Variants in PDE3B observed in about 807,000 individuals in gnomAD.
The protein encoded by PDE3B is phosphodiesterase 3B.
Under a neutral mutation model 116.8 loss-of-function variants are expected in PDE3B, and 66 were observed. The ratio of observed to expected loss-of-function variants is 0.56; its 90% CI spans 0.46 to 0.69. The LOEUF is 0.69. Among genes scored for constraint, PDE3B ranks in the 30% least tolerant of loss-of-function variants. PDE3B has a pLI of 0.00. For missense variants in PDE3B, 1,384 were observed against 1,368.1 expected, an observed-to-expected ratio of 1.01 and a Z score of -0.18; for synonymous variants, 595 against 533.6, an observed-to-expected ratio of 1.12 and a Z score of -1.59.
intron 1 of PDE3B, among the ~76,000 whole-genome samples, chr11:14,666,465 G>A (rs1854156424): frequency 1.3e-5 from 2 of 150,290 alleles, no homozygotes; most frequent in African/African-American, 2.4e-5. Context: ...CTTCTGCACA[G>A]CAAAAGAAAC....
chr11:14,751,769 A>C (rs1426926662), intron 1 of PDE3B, among the ~76,000 whole-genome samples: 1 of 152,118 alleles, frequency 6.6e-6, no homozygotes, highest in Non-Finnish European at 1.5e-5. Flanking sequence ...AGCTTCCTAG[A>C]CTTTCTATCT....
chr11:14,670,070 A>T (rs2133779025), intron 1 of PDE3B, among the ~76,000 whole-genome samples: 1 of 152,264 alleles, frequency 6.6e-6, no homozygotes, highest in South Asian at 2.1e-4. Context: ...GCCTTAGCAT[A>T]GTTATCTGGG....
chr11:14,830,889 TA>T, intron 8 of PDE3B, 43 bp downstream of exon 8: 1 of 1,320,238 alleles, frequency 7.6e-7, no homozygotes, highest in Non-Finnish European at 1.0e-6. Flanking sequence ...AGGTGAAATA[TA>T]ATACTGTTAG....
intron 1 of PDE3B, among the ~76,000 whole-genome samples, chr11:14,745,160 C>T (rs1856879015): frequency 6.6e-6 from 1 of 152,098 alleles, no homozygotes; most frequent in African/African-American, 2.4e-5. Context: ...GTGTTTTGTT[C>T]TTTTCACATT....
At chr11:14,784,339 G>A (rs201476755) in intron 2 of PDE3B, among the ~76,000 whole-genome samples, 2 of 152,256 alleles carry the variant, frequency 1.3e-5, no homozygotes, top group East Asian at 3.9e-4. Context: ...TTTGATGATT[G>A]CAACAAAAAT....
intron 1 of PDE3B, among the ~76,000 whole-genome samples, chr11:14,728,699 G>A (rs1199998564): frequency 6.6e-6 from 1 of 151,904 alleles, no homozygotes; most frequent in Non-Finnish European, 1.5e-5. Flanking sequence ...TTGTTCTTGG[G>A]CCTTCTTAAA....
chr11:14,880,735 A>G, the PDE3B span: 2 of 1,607,420 alleles, frequency 1.2e-6, no homozygotes, highest in South Asian at 2.2e-5. Context: ...TCTGTGATCA[A>G]CCCATCCTCG....
intron 1 of PDE3B, among the ~76,000 whole-genome samples, chr11:14,764,264 C>T (rs1324368216): frequency 1.3e-5 from 2 of 152,130 alleles, no homozygotes; most frequent in Non-Finnish European, 1.5e-5. Flanking sequence ...CTTGATCTCT[C>T]TCTACTCCTC....
intron 1 of PDE3B, among the ~76,000 whole-genome samples, chr11:14,712,466 GTTTTTTTTTT>G (rs58004646): frequency 3.9e-5 from 3 of 76,306 alleles, no homozygotes; most frequent in South Asian, 5.0e-4. Context: ...GTACAAGCTT[GTTTTTTTTTT>G]TTTTTTTTTT....
In PDE3B at chr11:14,703,116, G is replaced by A. The variant is rs193035636; in HGVS notation, c.978+58063G>A. Among the ~76,000 whole-genome samples the A allele has an allele frequency of 3.2e-3, 479 of 151,918 alleles. 9 individuals are homozygous for A. The highest frequency in any genetic ancestry group is 0.027 in the Admixed American group (418 of 15,206). On this transcript the variant is annotated intron_variant, in intron 1 of 15. Transcript: ENST00000282096. The stretch of plus-strand genomic sequence containing the variant: ...GAAGATAGTCTTTTATAAGTATGCA[G>A]ATTTTTAACCAAATTGCTCATATTT...
At chr11:14,866,282 T>C (rs1848044524) in intron 14 of PDE3B, among the ~76,000 whole-genome samples, 1 of 152,244 alleles carries the variant, frequency 6.6e-6, no homozygotes, top group South Asian at 2.1e-4. Context: ...GAAAATGTCA[T>C]CTGATATCCT....
intron 15 of PDE3B, among the ~76,000 whole-genome samples, chr11:14,868,793 T>TA (rs1848092934): frequency 6.6e-6 from 1 of 152,104 alleles, no homozygotes; most frequent in African/African-American, 2.4e-5. Flanking sequence ...ATTCTTTTTT[T>TA]AAAAAAATGG....
intron 14 of PDE3B, among the ~76,000 whole-genome samples, chr11:14,865,165 C>A (rs561770124): frequency 6.6e-6 from 1 of 152,056 alleles, no homozygotes; most frequent in Non-Finnish European, 1.5e-5. Context: ...ACCACTGATC[C>A]CACAGAAATA....
intron 5 of PDE3B, among the ~76,000 whole-genome samples, chr11:14,812,321 T>C (rs1446170685): frequency 6.6e-6 from 1 of 152,188 alleles, no homozygotes; most frequent in Non-Finnish European, 1.5e-5. Context: ...ACAGTGGAAT[T>C]AGATTTGAAA....
intron 4 of PDE3B, among the ~76,000 whole-genome samples, chr11:14,802,890 G>A (rs1858816825): frequency 6.6e-6 from 1 of 152,156 alleles, no homozygotes; most frequent in African/African-American, 2.4e-5. Context: ...TCCACACAAA[G>A]TTGGCTTCTG....
intron 13 of PDE3B, among the ~76,000 whole-genome samples, chr11:14,860,008 G>C (rs1847917598): frequency 6.6e-6 from 1 of 152,150 alleles, no homozygotes. Flanking sequence ...CTGCAGGGTA[G>C]AGAAACTGGT....
At chr11:14,778,397 T>A (rs1857859547) in intron 2 of PDE3B, among the ~76,000 whole-genome samples, 1 of 152,210 alleles carries the variant, frequency 6.6e-6, no homozygotes, top group Non-Finnish European at 1.5e-5. Flanking sequence ...CCGAGTAGCC[T>A]AACTGGGAGG....
At position 14,644,719 on chromosome 11, in the gene PDE3B, G is replaced by A. The variant is rs989986485; in HGVS notation, c.644G>A (p.Arg215Gln). Residue 215 changes from arginine (R) to glutamine (Q), a missense_variant, in exon 1 of 16, where the codon CGG (arginine) becomes CAG (glutamine). Around this residue, in one of 2 missense-constraint regions of PDE3B, gnomAD observed 956 missense variants for 806.8 expected, o/e 1.18. Transcript: ENST00000282096. ...CTGCTGACGCTCGCGCACCCGCTGC[G>A]GCTCCGGCACTGCGTTCTGGTGCTG... ...GLLLTLAHPLRLRHCVLVLLL... is the reference protein window; with the variant it reads ...GLLLTLAHPLQLRHCVLVLLL... The A allele has an allele frequency of 1.3e-6, 2 of 1,545,912 alleles. No individual in the cohort carries two copies. The highest frequency in any genetic ancestry group is 1.7e-6 in the Non-Finnish European group (2 of 1,148,432).
chr11:14,695,670 C>T (rs1189541859), intron 1 of PDE3B, among the ~76,000 whole-genome samples: 1 of 151,946 alleles, frequency 6.6e-6, no homozygotes, highest in Non-Finnish European at 1.5e-5. Flanking sequence ...CTCTGCTTCC[C>T]CACCCTCCCC....
Sources: gnomAD v4.1 joint callset for allele counts (sites outside exome capture counted in the v4.1 genomes callset) on GRCh38, gnomAD v4.1.1 for gene constraint, gnomAD v4.1.1 regional missense constraint, MANE v1.5 for transcripts, NCBI Gene and HGNC (gene_info 2026-07-23, HGNC 2026-07-21) for gene names.